Variants in HPSE2 observed in about 807,000 individuals in gnomAD.
HPSE2 encodes inactive heparanase-2.
Under a neutral mutation model 60.5 loss-of-function variants are expected in HPSE2, and 38 were observed. That is an observed-to-expected ratio of 0.63 (90% confidence interval 0.48 to 0.82). The LOEUF is 0.82. Among genes scored for constraint, HPSE2 ranks in the 40% least tolerant of loss-of-function variants. The pLI is 0.00. For synonymous variants in HPSE2, 295 were observed against 293.2 expected (o/e 1.01, Z -0.06); for missense variants, 713 against 740.4 (o/e 0.96, Z 0.43).
intron 1 of HPSE2, among the ~76,000 whole-genome samples, chr10:99,233,992 A>T (rs545125440): frequency 9.4e-4 from 142 of 151,734 alleles, no homozygotes; most frequent in South Asian, 1.9e-3. Context: ...CAGATTTTTT[A>T]AAAAAAGAAA....
chr10:99,185,834 G>C (rs749465603), intron 2 of HPSE2, among the ~76,000 whole-genome samples: 1 of 151,822 alleles, frequency 6.6e-6, no homozygotes, highest in Non-Finnish European at 1.5e-5. Context: ...GAATGATGGC[G>C]GATGTTTTGT....
the HPSE2 span, among the ~76,000 whole-genome samples, chr10:99,286,563 A>T: frequency 1.3e-5 from 2 of 152,186 alleles, no homozygotes; most frequent in African/African-American, 4.8e-5. Context: ...AGTGCTTAAT[A>T]GGTAAAGACT....
At chr10:98,549,362 C>T (rs888390038) in intron 9 of HPSE2, among the ~76,000 whole-genome samples, 1 of 133,942 alleles carries the variant, frequency 7.5e-6, no homozygotes, top group African/African-American at 2.7e-5. Context: ...ATTATTATCC[C>T]TCTATTGCTG....
chr10:98,819,841 T>C (rs1229998516), intron 3 of HPSE2, among the ~76,000 whole-genome samples: 2 of 152,116 alleles, frequency 1.3e-5, no homozygotes, highest in African/African-American at 4.8e-5. Context: ...AGGAATCTTG[T>C]GGCGCCTAGT....
chr10:98,867,019 G>A (rs1286144611), intron 3 of HPSE2, among the ~76,000 whole-genome samples: 1 of 152,154 alleles, frequency 6.6e-6, no homozygotes, highest in African/African-American at 2.4e-5. Flanking sequence ...AAAGGACAGT[G>A]AACACAGAGA....
intron 3 of HPSE2, among the ~76,000 whole-genome samples, chr10:98,855,705 C>G (rs950299299): frequency 6.6e-6 from 1 of 152,146 alleles, no homozygotes; most frequent in African/African-American, 2.4e-5. Context: ...GACCCAGAGA[C>G]ACAATGCCAA....
chr10:99,185,533 G>C (rs910487714), intron 2 of HPSE2, among the ~76,000 whole-genome samples: 5 of 152,102 alleles, frequency 3.3e-5, no homozygotes, highest in African/African-American at 9.7e-5. Context: ...CCAGCATTTT[G>C]GGAGGCTGAG....
At chr10:99,005,656 A>C (rs577350210) in intron 3 of HPSE2, among the ~76,000 whole-genome samples, 1 of 151,468 alleles carries the variant, frequency 6.6e-6, no homozygotes, top group Non-Finnish European at 1.5e-5. Flanking sequence ...CATAATCTCT[A>C]TTTCTTTGAG....
intron 9 of HPSE2, among the ~76,000 whole-genome samples, chr10:98,596,418 A>G (rs907894974): frequency 2.8e-4 from 42 of 150,978 alleles, no homozygotes; most frequent in Admixed American, 7.9e-4. Flanking sequence ...TTGACTCTAT[A>G]TTTACTTTTA....
At chr10:98,854,111 G>A (rs780315264) in intron 3 of HPSE2, among the ~76,000 whole-genome samples, 15 of 152,150 alleles carry the variant, frequency 9.9e-5, no homozygotes, top group South Asian at 6.2e-4. Flanking sequence ...AGTTAAGAAT[G>A]AGAGTTTAAC....
chr10:98,941,191 C>T (rs1461646102), intron 3 of HPSE2, among the ~76,000 whole-genome samples: 3 of 137,554 alleles, frequency 2.2e-5, no homozygotes, highest in African/African-American at 3.1e-5. Context: ...GATGCCCTCT[C>T]TCACCACTCC....
intron 3 of HPSE2, among the ~76,000 whole-genome samples, chr10:99,088,189 C>T (rs1262395147): frequency 6.6e-6 from 1 of 151,778 alleles, no homozygotes; most frequent in Non-Finnish European, 1.5e-5. Context: ...TCCCAGTGAC[C>T]TCTCCCCTCA....
chr10:99,259,373 T>C, the HPSE2 span, among the ~76,000 whole-genome samples: 1 of 148,502 alleles, frequency 6.7e-6, no homozygotes, highest in Non-Finnish European at 1.5e-5. Flanking sequence ...GAAAAAAATA[T>C]TTGCAAAGCA....
rs146419044 is a variant in HPSE2, at chr10:99,114,684, A to G, written c.610+29554T>C. Among the ~76,000 whole-genome samples the G allele has an allele frequency of 2.6e-3, 399 of 152,046 alleles. 3 individuals carry two copies. Among genetic ancestry groups the G allele is most frequent in the African/African-American group, 8.5e-3 (352 of 41,510 alleles). On this transcript the variant is annotated intron_variant, in intron 3 of 11. Transcript: ENST00000370552. Reference sequence around the variant, plus strand: ...AATCCCAGCACTTTGGGGGGCTGAGACGGGTGGATCACGAGGTCAGGACAT... The same window carrying G: ...AATCCCAGCACTTTGGGGGGCTGAGGCGGGTGGATCACGAGGTCAGGACAT...
At chr10:99,119,450 A>C (rs1488213398) in intron 3 of HPSE2, among the ~76,000 whole-genome samples, 1 of 152,238 alleles carries the variant, frequency 6.6e-6, no homozygotes, top group Non-Finnish European at 1.5e-5. Flanking sequence ...AGATGATGCA[A>C]TCAAATGGAA....
At chr10:98,772,533 A>G (rs977007395) in intron 3 of HPSE2, among the ~76,000 whole-genome samples, 1 of 152,194 alleles carries the variant, frequency 6.6e-6, no homozygotes, top group Non-Finnish European at 1.5e-5. Context: ...TAAACTAAGG[A>G]AAAGGAGAAA....
chr10:98,988,372 C>G (rs1366528676), intron 3 of HPSE2, among the ~76,000 whole-genome samples: 16 of 152,298 alleles, frequency 1.1e-4, no homozygotes, highest in Admixed American at 1.0e-3. Context: ...TTTGACAAAC[C>G]TGAGAAAAAC....
At chr10:98,995,036 C>A (rs1479914658) in intron 3 of HPSE2, among the ~76,000 whole-genome samples, 1 of 152,168 alleles carries the variant, frequency 6.6e-6, no homozygotes, top group South Asian at 2.1e-4. Context: ...ATCACTGTTT[C>A]CCCATGTCCA....
chr10:98,699,359 T>A (rs1458589601), intron 5 of HPSE2, among the ~76,000 whole-genome samples: 1 of 143,670 alleles, frequency 7.0e-6, no homozygotes, highest in Non-Finnish European at 1.5e-5. Context: ...ATAAATGTAA[T>A]CCAGCATATA....
Sources: allele counts gnomAD v4.1 joint callset (sites outside exome capture counted in the v4.1 genomes callset), GRCh38; gene constraint gnomAD v4.1.1; transcripts MANE v1.5; gene names NCBI Gene and HGNC (gene_info 2026-07-23, HGNC 2026-07-21).